The following HMGCLL1 variants were observed in gnomAD, a reference collection of about 807,000 sequenced individuals.
The protein encoded by HMGCLL1 is 3-hydroxymethyl-3-methylglutaryl-CoA lyase, cytoplasmic.
In HMGCLL1, 36 loss-of-function variants were observed where a neutral mutation model predicts 39.1. The ratio of observed to expected loss-of-function variants is 0.92; its 90% CI spans 0.71 to 1.22. The LOEUF (loss-of-function observed/expected upper bound fraction) is 1.22. Among genes scored for constraint, HMGCLL1 ranks in the 50% most tolerant of loss-of-function variants. The probability of loss-of-function intolerance (pLI) is 0.00; values close to 1 mark genes in which losing one functional copy is unlikely to be tolerated. For synonymous variants in HMGCLL1, 149 were observed against 144.0 expected (o/e 1.03, Z -0.25); for missense variants, 451 against 416.5 (o/e 1.08, Z -0.72).
the HMGCLL1 span, among the ~76,000 whole-genome samples, chr6:55,678,215 C>T: frequency 6.6e-6 from 1 of 152,170 alleles, no homozygotes; most frequent in Non-Finnish European, 1.5e-5. Context: ...ATGCTTGGCA[C>T]TTCCAATATC....
At chr6:55,569,153 G>A (rs1238422328) in intron 1 of HMGCLL1, among the ~76,000 whole-genome samples, 1 of 152,064 alleles carries the variant, frequency 6.6e-6, no homozygotes, top group African/African-American at 2.4e-5. Context: ...TTTTCCTTTT[G>A]TATCCAATGC....
chr6:55,609,604 T>G, the HMGCLL1 span, among the ~76,000 whole-genome samples: 2 of 151,850 alleles, frequency 1.3e-5, no homozygotes, highest in African/African-American at 4.8e-5. Context: ...TCCTGCAAGC[T>G]CTGAGGAAGC....
chr6:55,547,033 T>A (rs993622243), intron 1 of HMGCLL1, among the ~76,000 whole-genome samples: 1 of 152,042 alleles, frequency 6.6e-6, no homozygotes, highest in Admixed American at 6.6e-5. Flanking sequence ...TATCTGCGTT[T>A]CATCTGTGAA....
At chr6:55,567,666 G>A (rs1015237869) in intron 1 of HMGCLL1, among the ~76,000 whole-genome samples, 18 of 152,152 alleles carry the variant, frequency 1.2e-4, no homozygotes, top group African/African-American at 4.1e-4. Flanking sequence ...CAGCAGAATG[G>A]AGAACTGAAC....
chr6:55,436,240 A>C (rs1166427099), intron 8 of HMGCLL1, among the ~76,000 whole-genome samples: 1 of 152,062 alleles, frequency 6.6e-6, no homozygotes, highest in African/African-American at 2.4e-5. Flanking sequence ...ATATACATAT[A>C]TATTTTTTAA....
intron 1 of HMGCLL1, chr6:55,577,226 T>C: frequency 6.6e-7 from 1 of 1,512,394 alleles, no homozygotes; most frequent in Non-Finnish European, 8.8e-7. Context: ...GTGAGTTCAA[T>C]TACGATAAGA....
the HMGCLL1 span, among the ~76,000 whole-genome samples, chr6:55,645,346 G>A: frequency 6.6e-6 from 1 of 151,762 alleles, no homozygotes; most frequent in African/African-American, 2.4e-5. Flanking sequence ...ACCTGCAATT[G>A]AGGATAATTT....
At chr6:55,580,584 T>C (rs989089644), upstream of HMGCLL1, among the ~76,000 whole-genome samples, 2 of 151,656 alleles carry the variant, frequency 1.3e-5, no homozygotes, top group South Asian at 2.1e-4. Flanking sequence ...CCAGGCTAAT[T>C]TTTTGTATTT....
intron 1 of HMGCLL1, among the ~76,000 whole-genome samples, chr6:55,544,424 C>A (rs1336144929): frequency 1.3e-5 from 2 of 152,140 alleles, no homozygotes; most frequent in African/African-American, 4.8e-5. Context: ...GTTTGGGTAA[C>A]CCATATTCAA....
At chr6:55,500,301 G>C (rs1399301145) in intron 5 of HMGCLL1, among the ~76,000 whole-genome samples, 1 of 151,968 alleles carries the variant, frequency 6.6e-6, no homozygotes, top group Non-Finnish European at 1.5e-5. Context: ...GATCAGATTT[G>C]TTTCCCAGAA....
chr6:55,513,758 G>A (rs1767587430), intron 5 of HMGCLL1: 1 of 399,184 alleles, frequency 2.5e-6, no homozygotes, highest in Admixed American at 4.5e-5. Context: ...TGAGATAAGA[G>A]GGCTGCATTT....
chr6:55,642,667 G>A, the HMGCLL1 span, among the ~76,000 whole-genome samples: 1 of 152,040 alleles, frequency 6.6e-6, no homozygotes, highest in Non-Finnish European at 1.5e-5. Context: ...AGGGGTACAT[G>A]TGCAGGCTTG....
the HMGCLL1 span, among the ~76,000 whole-genome samples, chr6:55,661,047 A>G: frequency 2.6e-5 from 4 of 151,934 alleles, no homozygotes; most frequent in Admixed American, 2.6e-4. Context: ...TCTTTTGCCC[A>G]CTTTTTAATG....
intron 1 of HMGCLL1, among the ~76,000 whole-genome samples, chr6:55,559,080 A>G (rs1041917141): frequency 1.1e-4 from 17 of 151,994 alleles, no homozygotes; most frequent in Non-Finnish European, 1.9e-4. Context: ...TGAAACCATC[A>G]CCCTAAGGGA....
rs568453062 is a variant in HMGCLL1, at chr6:55,537,257, A to G, written c.297+4472T>C. The stretch of plus-strand genomic sequence containing the variant: ...CATTTAATGTGTTATATAGTAAGTG[A>G]CTGATACAACTTTGGAAGATAAATT... On this transcript the variant is annotated intron_variant, in intron 3 of 8. Coordinates refer to ENST00000274901, the MANE Select transcript of HMGCLL1 (RefSeq NM_001042406.2). 9.8e-5 allele frequency among the ~76,000 whole-genome samples: 15 copies of G among 152,326 alleles called. No homozygotes were observed. The South Asian group carries it at 2.7e-3, about 27-fold the overall frequency.
intron 1 of HMGCLL1, 60 bp from the exon 2 acceptor site, chr6:55,542,200 T>C: frequency 8.6e-7 from 1 of 1,156,630 alleles, no homozygotes; most frequent in Non-Finnish European, 1.3e-6. Context: ...ATTTGCTTAT[T>C]TGAAAAGTTA....
At chr6:55,678,057 A>G in the HMGCLL1 span, among the ~76,000 whole-genome samples, 6 of 152,176 alleles carry the variant, frequency 3.9e-5, no homozygotes, top group African/African-American at 1.4e-4. Flanking sequence ...TCATAATACC[A>G]TGCTGAAATT....
At chr6:55,603,539 T>C in the HMGCLL1 span, among the ~76,000 whole-genome samples, 1 of 152,054 alleles carries the variant, frequency 6.6e-6, no homozygotes, top group South Asian at 2.1e-4. Context: ...AACACTGAAG[T>C]CTTCTCAGTC....
the HMGCLL1 span, among the ~76,000 whole-genome samples, chr6:55,595,456 A>C: frequency 6.6e-6 from 1 of 152,212 alleles, no homozygotes; most frequent in Non-Finnish European, 1.5e-5. Context: ...TCAAATAGAA[A>C]AGCAGTTCAG....
Sources: gnomAD v4.1 joint callset for allele counts (sites outside exome capture counted in the v4.1 genomes callset) on GRCh38, gnomAD v4.1.1 for gene constraint, MANE v1.5 for transcripts, NCBI Gene and HGNC (gene_info 2026-07-23, HGNC 2026-07-21) for gene names.